Variants in SYTL5 observed in about 807,000 individuals in gnomAD.
The protein encoded by SYTL5 is synaptotagmin like 5.
Under a neutral mutation model 55.9 loss-of-function variants are expected in SYTL5, and 34 were observed. That is an observed-to-expected ratio of 0.61 (90% CI 0.46 to 0.81). SYTL5 has a LOEUF of 0.81. Ranked by LOEUF, SYTL5 falls within the 30% of genes least tolerant of loss-of-function variation. The pLI, the probability that SYTL5 is intolerant of heterozygous loss-of-function variation, is 0.00. For missense variants in SYTL5, 637 were observed against 546.7 expected, an observed-to-expected ratio of 1.17 and a Z score of -1.65; for synonymous variants, 221 against 188.7, an observed-to-expected ratio of 1.17 and a Z score of -1.40.
chrX:38,099,931 T>G (rs1195273034), intron 9 of SYTL5, among the ~76,000 whole-genome samples: 1 of 111,352 alleles, frequency 9.0e-6, no homozygotes, highest in Non-Finnish European at 1.9e-5. Context: ...CCCACTTAGG[T>G]TGAATGAGCT....
At chrX:38,074,184 T>C (rs150712362) in intron 5 of SYTL5, among the ~76,000 whole-genome samples, 5,572 of 111,973 alleles carry the variant, frequency 0.05, 160 homozygotes, top group Non-Finnish European at 0.081. Context: ...AGTAACTTAG[T>C]TCAGTAAATG....
chrX:38,040,793 T>C (rs1935262506), intron 2 of SYTL5, among the ~76,000 whole-genome samples: 2 of 111,962 alleles, frequency 1.8e-5, no homozygotes, highest in African/African-American at 6.5e-5. Context: ...AGTGCAGATA[T>C]CTCTTCAATA....
chrX:38,010,891 A>T (rs1161974753), intron 1 of SYTL5, among the ~76,000 whole-genome samples: 3 of 112,188 alleles, frequency 2.7e-5, no homozygotes, highest in African/African-American at 9.7e-5. Flanking sequence ...AACTCATTTA[A>T]TCTTCACAAG....
chrX:37,967,597 T>C, the SYTL5 span, among the ~76,000 whole-genome samples: 2 of 111,645 alleles, frequency 1.8e-5, no homozygotes, highest in East Asian at 2.8e-4. Flanking sequence ...TCCATTCCCT[T>C]TCCAAGATTT....
At chrX:37,989,887 T>C in the SYTL5 span, among the ~76,000 whole-genome samples, 4 of 109,831 alleles carry the variant, frequency 3.6e-5, no homozygotes, top group African/African-American at 1.3e-4. Flanking sequence ...TTATTATTAT[T>C]TTTGAGACCG....
At chrX:38,032,427 C>T (rs1934980947) in intron 1 of SYTL5, among the ~76,000 whole-genome samples, 1 of 111,354 alleles carries the variant, frequency 9.0e-6, no homozygotes, top group Admixed American at 9.6e-5. Flanking sequence ...AGTTTTAAAA[C>T]ATCCATTTTA....
chrX:38,026,395 C>A (rs773644516), intron 1 of SYTL5, among the ~76,000 whole-genome samples: 5 of 111,786 alleles, frequency 4.5e-5, no homozygotes, highest in African/African-American at 1.3e-4. Context: ...TTCTGATCTC[C>A]TTAGCCAACT....
intron 6 of SYTL5, among the ~76,000 whole-genome samples, chrX:38,086,680 T>A (rs1321275831): frequency 8.9e-6 from 1 of 112,380 alleles, no homozygotes; most frequent in East Asian, 2.8e-4. Flanking sequence ...CAACTTTAAT[T>A]TTGACTTGAC....
intron 3 of SYTL5, 139 bp from the exon 4 acceptor site, chrX:38,071,908 A>C (rs780620327): frequency 4.4e-6 from 2 of 454,111 alleles, no homozygotes; most frequent in Non-Finnish European, 7.8e-6. Context: ...ACTGGCTATT[A>C]TTATCACCAT....
At chrX:38,125,649 C>T in intron 16 of SYTL5, 143 bp downstream of exon 16, 2 of 464,896 alleles carry the variant, frequency 4.3e-6, no homozygotes, top group Non-Finnish European at 7.5e-6. Context: ...ATTCCTTTAG[C>T]TAAGGATCTA....
chrX:38,021,225 C>A (rs750714356), intron 1 of SYTL5, among the ~76,000 whole-genome samples: 3 of 111,821 alleles, frequency 2.7e-5, no homozygotes, highest in East Asian at 5.6e-4. Context: ...CTGTTCCCAA[C>A]AATGTTTATG....
chrX:38,118,475 A>G (rs1393430104), intron 13 of SYTL5, among the ~76,000 whole-genome samples: 1 of 111,691 alleles, frequency 9.0e-6, no homozygotes, highest in Admixed American at 9.5e-5. Flanking sequence ...CTCAGAAGTC[A>G]GATCCCTAAA....
chrX:38,014,112 T>G (rs1284227972), intron 1 of SYTL5, among the ~76,000 whole-genome samples: 1 of 112,755 alleles, frequency 8.9e-6, no homozygotes, highest in Non-Finnish European at 1.9e-5. Context: ...TCTTTTGGTA[T>G]GTACAAGTGT....
At chrX:37,971,229 T>TC in the SYTL5 span, among the ~76,000 whole-genome samples, 1 of 110,950 alleles carries the variant, frequency 9.0e-6, no homozygotes, top group Admixed American at 9.6e-5. Flanking sequence ...TTCTTTTTTT[T>TC]TTCATGTTTT....
intron 2 of SYTL5, among the ~76,000 whole-genome samples, chrX:38,039,795 T>G (rs1286087138): frequency 1.8e-5 from 2 of 112,270 alleles, no homozygotes; most frequent in Non-Finnish European, 3.8e-5. Context: ...TTCTCCTTTC[T>G]TTCTATCCAA....
At chrX:38,126,331 G>A (rs182220655) in intron 16 of SYTL5, among the ~76,000 whole-genome samples, 47 of 112,404 alleles carry the variant, frequency 4.2e-4, no homozygotes, top group African/African-American at 1.3e-3. Context: ...AGATGAACCA[G>A]CTCTCTGCTA....
chrX:37,963,626 G>T, the SYTL5 span, among the ~76,000 whole-genome samples: 50 of 111,910 alleles, frequency 4.5e-4, no homozygotes, highest in African/African-American at 1.6e-3. Flanking sequence ...TTTTAAATTA[G>T]TTCTGTTTAT....
chrX:38,072,170 A>T lies in SYTL5; in HGVS notation c.445+8A>T. On this transcript the variant is annotated splice_region_variant and intron_variant, in intron 4 of 16. Coordinates refer to ENST00000297875, the MANE Select transcript of SYTL5 (RefSeq NM_138780.3). Reference sequence around the variant, plus strand: ...TTTTAAGAAGAAGTCCAGGTAATTAAAGCAATTATGTGGTTTCACAACTGT... The same window carrying T: ...TTTTAAGAAGAAGTCCAGGTAATTATAGCAATTATGTGGTTTCACAACTGT... The T allele has an allele frequency of 8.6e-7, 1 of 1,159,214 alleles. No individual in the cohort carries two copies. The highest frequency in any genetic ancestry group is 1.2e-6 in the Non-Finnish European group (1 of 848,164).
At chrX:38,078,471 A>G (rs1936445230) in intron 6 of SYTL5, among the ~76,000 whole-genome samples, 1 of 110,398 alleles carries the variant, frequency 9.1e-6, no homozygotes, top group Admixed American at 9.6e-5. Context: ...CGTGTTAGCC[A>G]GGACAGTCTT....
Sources: gnomAD v4.1 joint callset for allele counts (sites outside exome capture counted in the v4.1 genomes callset) on GRCh38, gnomAD v4.1.1 for gene constraint, MANE v1.5 for transcripts, NCBI Gene and HGNC (gene_info 2026-07-23, HGNC 2026-07-21) for gene names.